Variants in DMXL2 observed in about 807,000 individuals in gnomAD.
DMXL2 encodes Dmx like 2.
A neutral mutation model predicts 331.1 loss-of-function variants in DMXL2; 103 were observed. That is an observed-to-expected ratio of 0.31 (90% CI 0.27 to 0.37). The LOEUF (loss-of-function observed/expected upper bound fraction) is 0.37. DMXL2 is among the 10% of genes least tolerant of loss of function. DMXL2 has a pLI of 1.00. For synonymous variants in DMXL2, 1,281 were observed against 1,252.1 expected, an observed-to-expected ratio of 1.02 and a Z score of -0.49; for missense variants, 3,171 against 3,642.9, an observed-to-expected ratio of 0.87 and a Z score of 3.33.
chr15:51,488,129 G>A lies in DMXL2; in HGVS notation c.5052-10C>T, dbSNP rs1159592412. On this transcript the variant is annotated splice_polypyrimidine_tract_variant and intron_variant, in intron 21 of 43. Coordinates refer to ENST00000560891, the MANE Select transcript of DMXL2 (RefSeq NM_001378457.1). The stretch of plus-strand genomic sequence containing the variant: ...TTCATCATGCTGTGACCTGGGGACC[G>A]AGCATAAACATAAAGTGGTTAAACC... 14 of 1,580,586 alleles carry A rather than the reference G, an allele frequency of 8.9e-6. No homozygotes were observed. Among genetic ancestry groups the A allele is most frequent in the African/African-American group, 5.5e-5 (4 of 73,040 alleles).
chr15:51,548,640 C>T (rs1219987657), intron 6 of DMXL2, among the ~76,000 whole-genome samples: 1 of 152,026 alleles, frequency 6.6e-6, no homozygotes, highest in African/African-American at 2.4e-5. Context: ...GCCCCAGGAG[C>T]AGGTGATACT....
chr15:51,456,473 A>G (rs989991419), intron 37 of DMXL2, 104 bp from the exon 38 acceptor site: 2 of 723,408 alleles, frequency 2.8e-6, no homozygotes, highest in African/African-American at 3.6e-5. Context: ...CACCTTGCTT[A>G]TTACTGAGAT....
intron 20 of DMXL2, among the ~76,000 whole-genome samples, chr15:51,489,722 C>G (rs186267989): frequency 2.0e-3 from 308 of 152,086 alleles, no homozygotes; most frequent in Non-Finnish European, 3.7e-3. Context: ...ATACTCTTTT[C>G]CCTTCCCCCT....
intron 1 of DMXL2, among the ~76,000 whole-genome samples, chr15:51,606,721 A>G (rs1483874812): frequency 1.3e-5 from 2 of 152,240 alleles, no homozygotes; most frequent in East Asian, 3.8e-4. Flanking sequence ...CACAAGGAAA[A>G]AAGACCTCAT....
chr15:51,554,987 G>A (rs879414123), intron 6 of DMXL2, among the ~76,000 whole-genome samples: 34 of 152,180 alleles, frequency 2.2e-4, no homozygotes, highest in Middle Eastern at 3.4e-3. Flanking sequence ...ACGAAACTCC[G>A]TCTCTACTAA....
chr15:51,549,084 A>G, intron 6 of DMXL2, among the ~76,000 whole-genome samples: 1 of 151,964 alleles, frequency 6.6e-6, no homozygotes, highest in Non-Finnish European at 1.5e-5. Flanking sequence ...ACTGTACCCA[A>G]TTTGTAGTCT....
intron 13 of DMXL2, among the ~76,000 whole-genome samples, chr15:51,533,620 T>G (rs2048126056): frequency 6.6e-6 from 1 of 152,230 alleles, no homozygotes; most frequent in Non-Finnish European, 1.5e-5. Context: ...TGTCAAGGTG[T>G]GCACATTACA....
intron 9 of DMXL2, among the ~76,000 whole-genome samples, chr15:51,541,657 TAACA>T (rs1280595510): frequency 6.6e-6 from 1 of 152,166 alleles, no homozygotes; most frequent in South Asian, 2.1e-4. Context: ...TCCAGTTCAA[TAACA>T]TACAACTATA....
intron 1 of DMXL2, among the ~76,000 whole-genome samples, chr15:51,594,296 A>C (rs1276120909): frequency 6.6e-6 from 1 of 152,230 alleles, no homozygotes; most frequent in Non-Finnish European, 1.5e-5. Flanking sequence ...CCTCTACACA[A>C]ATAAACTAGA....
Position 51,480,688 on chromosome 15 carries a change from G to A in DMXL2, c.6418C>T (p.His2140Tyr). The change falls in exon 24 of 44, where the codon CAT (histidine) becomes TAT (tyrosine). Residue 2140 changes from histidine to tyrosine, a missense_variant. Around this residue, in one of 7 missense-constraint regions of DMXL2, gnomAD observed 197 missense variants for 196.2 expected, o/e 1.00. Transcript: ENST00000560891. ...AACCACGACTTTCGTCTTTCTGCATGCTCTCGTTTGGCCTGCAATCTTCTT... is the reference window on the plus strand; with the variant it reads ...AACCACGACTTTCGTCTTTCTGCATACTCTCGTTTGGCCTGCAATCTTCTT... ...ERRRLQAKRE[H>Y]AERRKSWLQK... 1 of 1,612,562 alleles carries A rather than the reference G, an allele frequency of 6.2e-7. No homozygotes were observed. Among genetic ancestry groups the A allele is most frequent in the Non-Finnish European group, 8.5e-7 (1 of 1,178,892 alleles).
chr15:51,621,602 C>T (rs1187570357), intron 1 of DMXL2, among the ~76,000 whole-genome samples: 2 of 152,238 alleles, frequency 1.3e-5, no homozygotes, highest in Non-Finnish European at 2.9e-5. Flanking sequence ...AACATTTCCA[C>T]TCTCAAAAAG....
intron 29 of DMXL2, among the ~76,000 whole-genome samples, chr15:51,469,170 C>G (rs892077812): frequency 2.0e-5 from 3 of 150,478 alleles, no homozygotes; most frequent in South Asian, 2.1e-4. Context: ...GGGTGTAACA[C>G]TAATGTAGAT....
At chr15:51,521,528 A>G (rs1328973917) in intron 13 of DMXL2, among the ~76,000 whole-genome samples, 2 of 151,620 alleles carry the variant, frequency 1.3e-5, no homozygotes, top group Non-Finnish European at 2.9e-5. Flanking sequence ...CCCAGCTGTT[A>G]TTATTGTTAA....
At chr15:51,516,676 TG>T (rs968222814) in intron 14 of DMXL2, among the ~76,000 whole-genome samples, 1 of 152,206 alleles carries the variant, frequency 6.6e-6, no homozygotes, top group Admixed American at 6.5e-5. Flanking sequence ...GGGGTACAAG[TG>T]GTTTTTTTGT....
chr15:51,471,225 T>C lies in DMXL2; in HGVS notation c.7390A>G (p.Lys2464Glu). Residue 2464 changes from lysine to glutamate, a missense_variant and splice_region_variant, in exon 29 of 44, where the codon AAG (lysine) becomes GAG (glutamate). Coordinates refer to ENST00000560891, the MANE Select transcript of DMXL2 (RefSeq NM_001378457.1). Reference protein sequence around the residue: ...ELSMWDYFVAKPFLPLSDSGV... With the variant: ...ELSMWDYFVAEPFLPLSDSGV... ...CTTGCATTCCTCACACTCCTTACCT[T>C]TGCAACAAAATAATCCCACATACTA... 1 of 1,613,546 alleles carries C rather than the reference T, an allele frequency of 6.2e-7. No individual in the cohort carries two copies. The highest frequency in any genetic ancestry group is 8.5e-7 in the Non-Finnish European group (1 of 1,179,628).
chr15:51,534,565 G>T (rs952521579), intron 13 of DMXL2, among the ~76,000 whole-genome samples: 1 of 152,224 alleles, frequency 6.6e-6, no homozygotes, highest in Non-Finnish European at 1.5e-5. Flanking sequence ...GAATGAAGCA[G>T]AGGGGAATAA....
chr15:51,501,919 CAAA>C (rs751293392), intron 17 of DMXL2, among the ~76,000 whole-genome samples: 3 of 86,740 alleles, frequency 3.5e-5, no homozygotes, highest in African/African-American at 4.6e-5. Context: ...AACTCCATCT[CAAA>C]AAAAAAAAAA....
intron 1 of DMXL2, among the ~76,000 whole-genome samples, chr15:51,579,020 A>T (rs540115606): frequency 6.6e-6 from 1 of 152,282 alleles, no homozygotes; most frequent in Admixed American, 6.5e-5. Context: ...TGGGAGAATC[A>T]CTTAAGCCCG....
Position 51,455,159 on chromosome 15 carries a change from G to T in DMXL2, c.8596C>A (p.Pro2866Thr). ...QVNQTASNPK[P>T]YMSWQCHSKA... Reference sequence around the variant, plus strand: ...CATTTAGTGATACTTACCATATAAGGTTTAGGATTTGATGCAGTTTGGTTA... The same window carrying T: ...CATTTAGTGATACTTACCATATAAGTTTTAGGATTTGATGCAGTTTGGTTA... The change falls in exon 40 of 44, where the codon CCT (proline) becomes ACT (threonine). Residue 2866 changes from proline (P) to threonine (T), a missense_variant. Physicochemically the swap from Pro to Thr is conservative, Grantham distance 38 (BLOSUM62 -1). Around this residue, in one of 7 missense-constraint regions of DMXL2, gnomAD observed 766 missense variants for 940.5 expected, o/e 0.81. Transcript: ENST00000560891. The T allele has an allele frequency of 1.2e-6, 2 of 1,613,610 alleles. No homozygotes were observed. The highest frequency in any genetic ancestry group is 1.7e-6 in the Non-Finnish European group (2 of 1,179,550).
Sources: gnomAD v4.1 joint callset for allele counts (sites outside exome capture counted in the v4.1 genomes callset) on GRCh38, gnomAD v4.1.1 for gene constraint, gnomAD v4.1.1 regional missense constraint, MANE v1.5 for transcripts, NCBI Gene and HGNC (gene_info 2026-07-23, HGNC 2026-07-21) for gene names.